The following DCD variants were observed in gnomAD, a reference collection of about 807,000 sequenced individuals.
DCD encodes dermcidin.
In DCD, 17 loss-of-function variants were observed where a neutral mutation model predicts 14.5. The observed-to-expected ratio is 1.18, with a 90% CI of 0.81 to 1.76. The LOEUF (loss-of-function observed/expected upper bound fraction) is 1.76. Among genes scored for constraint, DCD ranks in the 40% most tolerant of loss-of-function variants. The probability of loss-of-function intolerance (pLI) is 0.00; values close to 1 mark genes in which losing one functional copy is unlikely to be tolerated. For missense variants in DCD, 139 were observed against 133.4 expected (o/e 1.04, Z -0.21); for synonymous variants, 64 against 54.0 (o/e 1.19, Z -0.82).
chr12:54,645,469 G>T, intron 3 of DCD, 137 bp downstream of exon 3: 1 of 870,466 alleles, frequency 1.1e-6, no homozygotes, highest in Non-Finnish European at 1.8e-6. Context: ...AGAAGCAGGT[G>T]TGCACCCCAA....
intron 2 of DCD, chr12:54,646,063 T>C (rs1355565717): frequency 2.2e-6 from 1 of 459,772 alleles, no homozygotes. Context: ...CACTAGCTTC[T>C]CTCTTCTAGG....
Position 54,648,238 on chromosome 12 carries a change from A to T in DCD, c.58+8T>A. On this transcript the variant is annotated splice_region_variant and intron_variant, in intron 1 of 4. Transcript: ENST00000293371. Reference sequence around the variant, plus strand: ...TATGGTTGGGTGTCGGGGAAGAGCCATACTCACAGGCACAGACCAGGGCTC... The same window carrying T: ...TATGGTTGGGTGTCGGGGAAGAGCCTTACTCACAGGCACAGACCAGGGCTC... The T allele has an allele frequency of 6.2e-7, 1 of 1,613,720 alleles. No individual in the cohort carries two copies.
Position 54,644,604 on chromosome 12 carries a change from CA to C in DCD, c.*108del, listed in dbSNP as rs1252003978. On this transcript the variant is annotated 3_prime_UTR_variant, in exon 5 of 5. Coordinates refer to ENST00000293371, the MANE Select transcript of DCD (RefSeq NM_053283.4). ...ATACTCCAAGTATTACAGATGCTTT[CA>C]GTTTAATAGCTGTTTTAAATTTTTT... 6.1e-6 allele frequency: 5 copies of C among 826,072 alleles called. No individual in the cohort carries two copies. The highest frequency in any genetic ancestry group is 9.5e-6 in the Non-Finnish European group (5 of 526,164). 51.2% of individuals were successfully genotyped at this position (826,072 alleles called of 1,614,324 possible).
intron 3 of DCD, 65 bp from the exon 4 acceptor site, chr12:54,645,327 TC>T (rs1565728642): frequency 6.8e-7 from 1 of 1,480,648 alleles, no homozygotes; most frequent in Non-Finnish European, 9.4e-7. Flanking sequence ...GTAGGAGAGC[TC>T]CCCCGCTTCC....
chr12:54,646,554 C>T lies in DCD; in HGVS notation c.97+567G>A, dbSNP rs183543564. On this transcript the variant is annotated intron_variant, in intron 2 of 4. Transcript: ENST00000293371. ...CTGGGACTTGAAGCTTGTTAGAGCA[C>T]GGACAGGTAGGGGTTGAAAAGGTAC... Among the ~76,000 whole-genome samples the T allele has an allele frequency of 4.5e-4, 69 of 152,092 alleles. No individual in the cohort carries two copies. The South Asian group carries it at 0.011, about 24-fold the overall frequency.
chr12:54,645,385 C>T (rs1374990292), intron 3 of DCD, 123 bp from the exon 4 acceptor site: 1 of 1,026,466 alleles, frequency 9.7e-7, no homozygotes, highest in Non-Finnish European at 1.5e-6. Flanking sequence ...GCTGAAGGAA[C>T]CAACTTCTCT....
Position 54,644,745 on chromosome 12 carries a change from C to A in DCD, c.301G>T (p.Asp101Tyr). 6.2e-7 allele frequency: 1 copy of A among 1,605,682 alleles called. No homozygotes were observed. Among genetic ancestry groups the A allele is most frequent in the East Asian group, 2.2e-5 (1 of 44,702 alleles). Reference sequence around the variant, plus strand: ...ACTGAGTCAAGGACGTCTTTAACGTCATGGACGGCTCCTAGGACAGCCACA... The same window carrying A: ...ACTGAGTCAAGGACGTCTTTAACGTAATGGACGGCTCCTAGGACAGCCACA... ...LESVGKGAVHDVKDVLDSVL is the reference protein window; with the variant it reads ...LESVGKGAVHYVKDVLDSVL Residue 101 changes from aspartate (D) to tyrosine (Y), a missense_variant, in exon 5 of 5, where the codon GAC becomes TAC. Coordinates refer to ENST00000293371, the MANE Select transcript of DCD (RefSeq NM_053283.4).
intron 2 of DCD, chr12:54,645,932 A>G (rs1958257196): frequency 5.3e-6 from 3 of 565,004 alleles, no homozygotes; most frequent in South Asian, 3.2e-5. Flanking sequence ...GCCCTTTTCT[A>G]GAGTAGATTA....
At chr12:54,645,290 CAT>C in intron 3 of DCD, 28 bp from the exon 4 acceptor site, 1 of 1,604,582 alleles carries the variant, frequency 6.2e-7, no homozygotes, top group Admixed American at 1.7e-5. Flanking sequence ...AAGAAGAGGT[CAT>C]AGAAGCAGAA....
At chr12:54,644,781 G>T in intron 4 of DCD, 25 bp from the exon 5 acceptor site, 7 of 1,595,152 alleles carry the variant, frequency 4.4e-6, no homozygotes, top group Non-Finnish European at 5.1e-6. Context: ...GAAAAAAATG[G>T]GGTAAAGGGG....
Position 54,645,640 on chromosome 12 carries a change from T to A in DCD, c.165A>T (p.Ala55=). 6.2e-7 allele frequency: 1 copy of A among 1,614,160 alleles called. No homozygotes were observed. Among genetic ancestry groups the A allele is most frequent in the Non-Finnish European group, 8.5e-7 (1 of 1,180,002 alleles). ...TGGATCTCTGCTTCCTTGGCTTTGG[T>A]GCCTGTCTGGCTAACCCTGGGTCTT... is the stretch of plus-strand genomic sequence containing the variant. ...AGEDPGLARQ[A]PKPRKQRSSL... The change falls in exon 3 of 5, where the codon GCA becomes GCT. Residue 55 remains alanine (A), a synonymous_variant. Coordinates refer to ENST00000293371, the MANE Select transcript of DCD (RefSeq NM_053283.4).
At chr12:54,647,261 G>A in intron 1 of DCD, 102 bp from the exon 2 acceptor site, 2 of 1,143,914 alleles carry the variant, frequency 1.7e-6, no homozygotes, top group Non-Finnish European at 2.5e-6. Flanking sequence ...TCTCAGGAGT[G>A]TGGCAGTGGA....
chr12:54,648,158 C>T, intron 1 of DCD, 88 bp downstream of exon 1: 6 of 1,480,732 alleles, frequency 4.1e-6, no homozygotes, highest in Non-Finnish European at 5.6e-6. Flanking sequence ...GGTGAACTGC[C>T]TCTGGCGAGG....
chr12:54,645,329 C>T, intron 3 of DCD, 67 bp from the exon 4 acceptor site: 1 of 1,481,670 alleles, frequency 6.7e-7, no homozygotes, highest in Non-Finnish European at 9.4e-7. Context: ...AGGAGAGCTC[C>T]CCCGCTTCCT....
At chr12:54,645,522 T>C in intron 3 of DCD, 84 bp downstream of exon 3, 2 of 1,249,794 alleles carry the variant, frequency 1.6e-6, no homozygotes, top group Non-Finnish European at 2.3e-6. Flanking sequence ...CCTGTGCTTG[T>C]GCCTGTGAGG....
At chr12:54,645,823 C>T (rs909837089) in intron 2 of DCD, 116 bp from the exon 3 acceptor site, 28 of 755,106 alleles carry the variant, frequency 3.7e-5, no homozygotes, top group Admixed American at 6.8e-5. Flanking sequence ...CTCCCTCTCT[C>T]CCAATTCCTC....
chr12:54,646,228 T>A (rs550010331), intron 2 of DCD: 29 of 445,090 alleles, frequency 6.5e-5, no homozygotes, highest in African/African-American at 5.0e-4. Flanking sequence ...AGGTGCCCGG[T>A]GTTCCCTCTG....
At chr12:54,647,028 C>T (rs1423760748) in intron 2 of DCD, 93 bp downstream of exon 2, 3 of 1,347,406 alleles carry the variant, frequency 2.2e-6, no homozygotes, top group East Asian at 5.1e-5. Flanking sequence ...CTTCCCCGGA[C>T]CCCCCTTCTG....
At chr12:54,645,031 T>C in intron 4 of DCD, 142 bp downstream of exon 4, 1 of 1,493,242 alleles carries the variant, frequency 6.7e-7, no homozygotes, top group Non-Finnish European at 9.1e-7. Flanking sequence ...AGAATGGCAA[T>C]TTAAATCTGG....
Sources: allele counts gnomAD v4.1 joint callset (sites outside exome capture counted in the v4.1 genomes callset), GRCh38; gene constraint gnomAD v4.1.1; transcripts MANE v1.5; gene names NCBI Gene and HGNC (gene_info 2026-07-23, HGNC 2026-07-21).